Variants in RBMS3 observed in about 807,000 individuals in gnomAD.
RBMS3 encodes the protein RNA-binding motif, single-stranded-interacting protein 3.
A neutral mutation model predicts 66.8 loss-of-function variants in RBMS3; 27 were observed. The ratio of observed to expected loss-of-function variants is 0.40; its 90% CI spans 0.30 to 0.56. RBMS3 has a LOEUF of 0.56. Ranked by LOEUF, RBMS3 falls within the 20% of genes least tolerant of loss-of-function variation. The pLI is 0.40. For missense variants in RBMS3, 513 were observed against 549.5 expected (o/e 0.93, Z 0.66); for synonymous variants, 188 against 183.0 (o/e 1.03, Z -0.22).
chr3:29,675,447 A>T (rs1373158494), intron 4 of RBMS3, among the ~76,000 whole-genome samples: 1 of 152,224 alleles, frequency 6.6e-6, no homozygotes, highest in Non-Finnish European at 1.5e-5. Context: ...TAAACTAAAG[A>T]GCTTCTGCAC....
At chr3:29,958,673 A>G (rs1399214101) in intron 12 of RBMS3, among the ~76,000 whole-genome samples, 3 of 152,166 alleles carry the variant, frequency 2.0e-5, no homozygotes, top group Admixed American at 6.6e-5. Context: ...CAACCAAGCC[A>G]TTTAGACTTT....
At chr3:29,769,723 C>T (rs2056114161) in intron 6 of RBMS3, among the ~76,000 whole-genome samples, 1 of 151,706 alleles carries the variant, frequency 6.6e-6, no homozygotes, top group Non-Finnish European at 1.5e-5. Context: ...ACTAAATACT[C>T]TTTGGAGTTG....
intron 4 of RBMS3, among the ~76,000 whole-genome samples, chr3:29,625,739 A>AATAAGTGAATAT (rs150565021): frequency 0.01 from 1,558 of 150,196 alleles, 15 homozygotes; most frequent in Middle Eastern, 0.024. Flanking sequence ...TAAATAAATA[A>AATAAGTGAATAT]AAATAATCTT....
intron 6 of RBMS3, among the ~76,000 whole-genome samples, chr3:29,853,340 T>C (rs1259230413): frequency 6.6e-6 from 1 of 151,914 alleles, no homozygotes; most frequent in Non-Finnish European, 1.5e-5. Flanking sequence ...TTAAAATTGG[T>C]AACTATGTAA....
intron 1 of RBMS3, among the ~76,000 whole-genome samples, chr3:29,303,531 C>T (rs960221610): frequency 3.3e-5 from 5 of 151,994 alleles, no homozygotes; most frequent in African/African-American, 1.2e-4. Flanking sequence ...AGTGAACTTT[C>T]ATTGAATTTC....
intron 6 of RBMS3, among the ~76,000 whole-genome samples, chr3:29,793,230 CA>C (rs59309324): frequency 1.5e-4 from 18 of 117,116 alleles, no homozygotes; most frequent in South Asian, 5.1e-4. Flanking sequence ...GACTCCATCT[CA>C]AAAAAAAAAA....
chr3:29,828,387 AT>A (rs1228676266), intron 6 of RBMS3, among the ~76,000 whole-genome samples: 4 of 152,074 alleles, frequency 2.6e-5, no homozygotes, highest in Non-Finnish European at 5.9e-5. Flanking sequence ...CAGATCACTT[AT>A]GTGTACTGCT....
intron 1 of RBMS3, among the ~76,000 whole-genome samples, chr3:29,330,983 T>G (rs939573511): frequency 2.6e-5 from 4 of 152,156 alleles, no homozygotes; most frequent in Admixed American, 2.0e-4. Context: ...AATTGTATTT[T>G]TATATTAATG....
intron 3 of RBMS3, among the ~76,000 whole-genome samples, chr3:29,578,633 G>A (rs986763118): frequency 6.6e-6 from 1 of 151,984 alleles, no homozygotes; most frequent in Non-Finnish European, 1.5e-5. Context: ...GATTTTGAAG[G>A]GGGAAATCAT....
chr3:29,870,109 C>T (rs2059454242), intron 7 of RBMS3, among the ~76,000 whole-genome samples: 2 of 152,088 alleles, frequency 1.3e-5, no homozygotes, highest in African/African-American at 4.8e-5. Flanking sequence ...CATCACTGAG[C>T]ATCAAAAGCT....
At chr3:29,444,383 G>C (rs1164503948) in intron 2 of RBMS3, among the ~76,000 whole-genome samples, 8 of 152,010 alleles carry the variant, frequency 5.3e-5, no homozygotes, top group African/African-American at 1.9e-4. Flanking sequence ...TTTTGTTTAA[G>C]AGCCCCATCT....
At position 29,687,264 on chromosome 3, in the gene RBMS3, G is replaced by T. The variant is rs79044479; in HGVS notation, c.400-52456G>T. On this transcript the variant is annotated intron_variant, in intron 4 of 14. Coordinates refer to ENST00000383767, the MANE Select transcript of RBMS3 (RefSeq NM_001003793.3). ...AGGATTGTTCCAATTTCCCAGAACA[G>T]CCAGGTTTCTGTTTAATCCAACCCC... Among the ~76,000 whole-genome samples the T allele has an allele frequency of 6.6e-5, 10 of 152,318 alleles. No homozygotes were observed. In the East Asian group the frequency reaches 1.7e-3, roughly 26 times the overall value.
At chr3:29,435,991 C>T (rs1279058707) in intron 2 of RBMS3, among the ~76,000 whole-genome samples, 3 of 134,592 alleles carry the variant, frequency 2.2e-5, no homozygotes, top group East Asian at 2.2e-4. Context: ...AAAAAGAAGA[C>T]GAATCGTAGA....
At chr3:29,589,712 G>T (rs192460593) in intron 4 of RBMS3, among the ~76,000 whole-genome samples, 29 of 152,104 alleles carry the variant, frequency 1.9e-4, no homozygotes, top group African/African-American at 6.7e-4. Context: ...ATATAAACCT[G>T]CAGTCTGCTG....
chr3:29,784,661 A>G (rs1410545005), intron 6 of RBMS3, among the ~76,000 whole-genome samples: 1 of 152,032 alleles, frequency 6.6e-6, no homozygotes, highest in Non-Finnish European at 1.5e-5. Context: ...CCCACGCCCA[A>G]CAGAAGAAAA....
intron 12 of RBMS3, among the ~76,000 whole-genome samples, chr3:29,985,114 A>G (rs1698286991): frequency 6.6e-6 from 1 of 152,186 alleles, no homozygotes; most frequent in Non-Finnish European, 1.5e-5. Context: ...AGGAATCTAG[A>G]AAGGCAGTCT....
chr3:29,705,100 G>A (rs7624966), intron 4 of RBMS3, among the ~76,000 whole-genome samples: 11,322 of 152,180 alleles, frequency 0.074, 1,402 homozygotes, highest in African/African-American at 0.26. Context: ...CAAATAAAAC[G>A]ATAGCTTTCT....
intron 6 of RBMS3, among the ~76,000 whole-genome samples, chr3:29,809,403 C>A (rs1369143253): frequency 1.3e-5 from 2 of 151,234 alleles, no homozygotes; most frequent in Non-Finnish European, 1.5e-5. Flanking sequence ...TCATGGGCAC[C>A]CTTTATGTGT....
At chr3:29,870,231 T>G (rs1449691078) in intron 7 of RBMS3, among the ~76,000 whole-genome samples, 1 of 152,114 alleles carries the variant, frequency 6.6e-6, no homozygotes, top group East Asian at 1.9e-4. Context: ...TGGAGTCCAG[T>G]GCATCAGCAG....
Sources: gnomAD v4.1 joint callset for allele counts (sites outside exome capture counted in the v4.1 genomes callset) on GRCh38, gnomAD v4.1.1 for gene constraint, MANE v1.5 for transcripts, NCBI Gene and HGNC (gene_info 2026-07-23, HGNC 2026-07-21) for gene names.